Variants in MAGI2 observed in about 807,000 individuals in gnomAD.
The protein encoded by MAGI2 is membrane associated guanylate kinase, WW and PDZ domain containing 2, also known as membrane-associated guanylate kinase, WW and PDZ domain-containing protein 2.
MAGI2 carries 35 observed loss-of-function variants against 133.3 expected under a neutral mutation model. The ratio of observed to expected loss-of-function variants is 0.26; its 90% CI spans 0.20 to 0.35. The LOEUF is 0.35. Ranked by LOEUF, MAGI2 falls within the 10% of genes least tolerant of loss-of-function variation. The pLI is 1.00. For missense variants in MAGI2, 1,636 were observed against 1,863.4 expected, an observed-to-expected ratio of 0.88 and a Z score of 2.25; for synonymous variants, 729 against 710.6, an observed-to-expected ratio of 1.03 and a Z score of -0.41.
rs548080477 is a variant in MAGI2 at position 78,666,270 on chromosome 7, G to A, written c.419-39031C>T. Among the ~76,000 whole-genome samples the A allele has an allele frequency of 4.6e-5, 7 of 152,174 alleles. No individual in the cohort carries two copies. In the East Asian group the frequency reaches 9.7e-4, roughly 21 times the overall value. Reference sequence around the variant, plus strand: ...CAAATTTTAGCAACGCAAATATGGGGTAGGAAAAATAAAGAATTCAAAAAG... The same window carrying A: ...CAAATTTTAGCAACGCAAATATGGGATAGGAAAAATAAAGAATTCAAAAAG... On this transcript the variant is annotated intron_variant, in intron 2 of 21. Transcript: ENST00000354212.
chr7:79,315,900 T>G (rs116162854), intron 1 of MAGI2, among the ~76,000 whole-genome samples: 4,886 of 151,232 alleles, frequency 0.032, 256 homozygotes, highest in African/African-American at 0.11. Flanking sequence ...GAAGGAGGAG[T>G]GGGAAAGGAG....
At chr7:78,767,847 G>A (rs949401065) in intron 2 of MAGI2, among the ~76,000 whole-genome samples, 15 of 152,312 alleles carry the variant, frequency 9.8e-5, no homozygotes, top group African/African-American at 3.6e-4. Flanking sequence ...CAGGAATACA[G>A]ACACTTATTT....
chr7:79,028,632 GC>G (rs1810263862), intron 1 of MAGI2, among the ~76,000 whole-genome samples: 1 of 151,846 alleles, frequency 6.6e-6, no homozygotes, highest in African/African-American at 2.4e-5. Flanking sequence ...TTAATTTTTT[GC>G]CTAATATAAT....
At chr7:79,326,190 CAGAAAGA>C (rs1438682096) in intron 1 of MAGI2, among the ~76,000 whole-genome samples, 2 of 4,944 alleles carry the variant, frequency 4.0e-4, no homozygotes, top group Non-Finnish European at 1.0e-3. Flanking sequence ...GTATATAGAC[CAGAAAGA>C]ACAAAGAACA....
intron 10 of MAGI2, among the ~76,000 whole-genome samples, chr7:78,217,302 T>C (rs1788365670): frequency 1.3e-5 from 2 of 152,196 alleles, no homozygotes; most frequent in African/African-American, 2.4e-5. Context: ...GGGATAACTT[T>C]TCTCTCCCCT....
chr7:78,319,358 T>C (rs1160360245), intron 9 of MAGI2, among the ~76,000 whole-genome samples: 1 of 152,068 alleles, frequency 6.6e-6, no homozygotes, highest in Non-Finnish European at 1.5e-5. Flanking sequence ...ACACTTATTC[T>C]AAAATTGACC....
intron 6 of MAGI2, among the ~76,000 whole-genome samples, chr7:78,414,935 T>C (rs1798168277): frequency 6.6e-6 from 1 of 152,120 alleles, no homozygotes; most frequent in Non-Finnish European, 1.5e-5. Flanking sequence ...ATTTAAATAA[T>C]GAGTTTTCAG....
At chr7:78,799,249 A>G (rs1363039558) in intron 2 of MAGI2, among the ~76,000 whole-genome samples, 3 of 152,284 alleles carry the variant, frequency 2.0e-5, no homozygotes, top group African/African-American at 4.8e-5. Flanking sequence ...GGGGCTGTAT[A>G]TGACTATTCT....
intron 2 of MAGI2, among the ~76,000 whole-genome samples, chr7:78,741,689 T>G (rs1822449889): frequency 6.6e-6 from 1 of 152,152 alleles, no homozygotes; most frequent in Admixed American, 6.5e-5. Flanking sequence ...TTGGACAAGT[T>G]ACTTAACTTC....
intron 1 of MAGI2, among the ~76,000 whole-genome samples, chr7:79,430,658 T>C (rs1289374939): frequency 1.3e-5 from 2 of 152,146 alleles, no homozygotes; most frequent in Non-Finnish European, 2.9e-5. Context: ...TAACCAGCCA[T>C]CTAACTATAA....
At chr7:79,357,497 C>T (rs1314165412) in intron 1 of MAGI2, among the ~76,000 whole-genome samples, 1 of 152,198 alleles carries the variant, frequency 6.6e-6, no homozygotes, top group African/African-American at 2.4e-5. Context: ...TTAATGTCCT[C>T]TCTTAAGGCT....
chr7:78,391,974 A>G (rs1172407517), intron 6 of MAGI2, among the ~76,000 whole-genome samples: 1 of 152,230 alleles, frequency 6.6e-6, no homozygotes, highest in African/African-American at 2.4e-5. Context: ...AAGATCTTCA[A>G]TTCCTTGTAA....
intron 2 of MAGI2, among the ~76,000 whole-genome samples, chr7:78,882,115 AAAAAC>A (rs1563619123): frequency 3.2e-5 from 3 of 93,668 alleles, no homozygotes; most frequent in Non-Finnish European, 4.9e-5. Context: ...AAAAGAAAAG[AAAAAC>A]AAAAAAAAAA....
At chr7:78,659,233 G>A (rs1047581686) in intron 2 of MAGI2, among the ~76,000 whole-genome samples, 2 of 151,718 alleles carry the variant, frequency 1.3e-5, no homozygotes, top group Non-Finnish European at 2.9e-5. Flanking sequence ...GGCGGATCAC[G>A]AGGTCAGGAG....
intron 2 of MAGI2, among the ~76,000 whole-genome samples, chr7:78,629,783 G>T (rs1190045594): frequency 6.6e-5 from 10 of 152,024 alleles, no homozygotes; most frequent in Admixed American, 2.0e-4. Context: ...TTTTGCAGAA[G>T]ACATGAGCTC....
chr7:78,074,982 T>G (rs551802359), intron 21 of MAGI2, among the ~76,000 whole-genome samples: 3 of 152,336 alleles, frequency 2.0e-5, no homozygotes, highest in African/African-American at 7.2e-5. Context: ...CCTGGAAATG[T>G]GACTGGTAAA....
intron 21 of MAGI2, among the ~76,000 whole-genome samples, chr7:78,055,981 C>G (rs1044693360): frequency 2.0e-5 from 3 of 152,082 alleles, no homozygotes; most frequent in Non-Finnish European, 4.4e-5. Flanking sequence ...ACCATCTTAA[C>G]CATTTGTAAG....
intron 2 of MAGI2, among the ~76,000 whole-genome samples, chr7:78,877,694 A>G (rs1795536776): frequency 6.6e-6 from 1 of 152,170 alleles, no homozygotes; most frequent in Non-Finnish European, 1.5e-5. Context: ...GCAATAATAA[A>G]AAAATTAAAA....
At chr7:79,095,199 C>T (rs1056140999) in intron 1 of MAGI2, among the ~76,000 whole-genome samples, 2 of 152,198 alleles carry the variant, frequency 1.3e-5, no homozygotes, top group Non-Finnish European at 2.9e-5. Context: ...GCTTCCTTAC[C>T]TCTCTCAGCC....
Sources: gnomAD v4.1 joint callset for allele counts (sites outside exome capture counted in the v4.1 genomes callset) on GRCh38, gnomAD v4.1.1 for gene constraint, MANE v1.5 for transcripts, NCBI Gene and HGNC (gene_info 2026-07-23, HGNC 2026-07-21) for gene names.